GRIN2A: variants seen among roughly 807,000 people sequenced by gnomAD.
GRIN2A encodes the protein glutamate ionotropic receptor NMDA type subunit 2A.
A neutral mutation model predicts 113.4 loss-of-function variants in GRIN2A; 22 were observed. The ratio of observed to expected loss-of-function variants is 0.19; its 90% CI spans 0.14 to 0.28. The LOEUF is 0.28. GRIN2A is among the 10% of genes least tolerant of loss of function. The pLI, the probability that GRIN2A is intolerant of heterozygous loss-of-function variation, is 1.00. For missense variants in GRIN2A, 1,502 were observed against 1,887.0 expected, an observed-to-expected ratio of 0.80 and a Z score of 3.78; for synonymous variants, 827 against 738.4, an observed-to-expected ratio of 1.12 and a Z score of -1.94.
chr16:9,854,671 T>G (rs914334138), intron 4 of GRIN2A, among the ~76,000 whole-genome samples: 8 of 152,060 alleles, frequency 5.3e-5, no homozygotes, highest in African/African-American at 1.9e-4. Context: ...TTCCCAATCC[T>G]CTCCATAAAA....
At chr16:9,926,432 T>A (rs538365959) in intron 3 of GRIN2A, among the ~76,000 whole-genome samples, 1 of 152,322 alleles carries the variant, frequency 6.6e-6, no homozygotes, top group East Asian at 1.9e-4. Context: ...ACCTGCAGCT[T>A]TAAGTAAGAA....
At chr16:10,152,606 A>T (rs563020337) in intron 2 of GRIN2A, among the ~76,000 whole-genome samples, 1 of 152,248 alleles carries the variant, frequency 6.6e-6, no homozygotes, top group East Asian at 1.9e-4. Context: ...TTTCATGTTC[A>T]GTTCACCATT....
chr16:10,107,216 T>A (rs549199752), intron 2 of GRIN2A, among the ~76,000 whole-genome samples: 2 of 152,158 alleles, frequency 1.3e-5, no homozygotes, highest in African/African-American at 4.8e-5. Context: ...GCGGAAGATC[T>A]CAGCACTAGT....
chr16:9,767,254 GA>G (rs1900973635), intron 12 of GRIN2A, among the ~76,000 whole-genome samples: 1 of 152,180 alleles, frequency 6.6e-6, no homozygotes, highest in Non-Finnish European at 1.5e-5. Context: ...AGTGAATGGA[GA>G]AAATAAATCT....
Position 10,159,375 on chromosome 16 carries a change from G to C in GRIN2A, c.414+20623C>G, listed in dbSNP as rs117669636. Reference sequence around the variant, plus strand: ...AGGAGAGAAGCCCACCAAGCACCTAGGGGAACAGGTCAGGAACCCAGGGCA... The same window carrying C: ...AGGAGAGAAGCCCACCAAGCACCTACGGGAACAGGTCAGGAACCCAGGGCA... On this transcript the variant is annotated intron_variant, in intron 2 of 12. Coordinates refer to ENST00000330684, the MANE Select transcript of GRIN2A (RefSeq NM_001134407.3). 3.4e-3 allele frequency among the ~76,000 whole-genome samples: 513 copies of C among 152,316 alleles called. 12 individuals carry two copies. In the East Asian group the frequency reaches 0.065, roughly 19 times the overall value.
intron 2 of GRIN2A, among the ~76,000 whole-genome samples, chr16:9,968,853 CG>C (rs758806752): frequency 9.2e-5 from 14 of 152,112 alleles, no homozygotes; most frequent in Non-Finnish European, 1.9e-4. Flanking sequence ...GTGATCCGCC[CG>C]CCTCAGCCTT....
At chr16:9,892,818 C>G (rs927460883) in intron 3 of GRIN2A, among the ~76,000 whole-genome samples, 7 of 151,762 alleles carry the variant, frequency 4.6e-5, no homozygotes, top group Non-Finnish European at 8.8e-5. Flanking sequence ...GTGGTGGCCA[C>G]TCAGCAGACA....
At chr16:9,884,754 T>C (rs529027098) in intron 4 of GRIN2A, among the ~76,000 whole-genome samples, 1,945 of 147,364 alleles carry the variant, frequency 0.013, 61 homozygotes, top group African/African-American at 0.047. Flanking sequence ...GAATTTCTTT[T>C]TTTTTTTTTT....
Position 9,890,976 on chromosome 16 carries a change from G to T in GRIN2A, c.1122+10C>A. Reference sequence around the variant, plus strand: ...CCTCCCCTGCATTCAGCACACAGAAGGATGCTCACCTTTTCCCATTCCCGG... The same window carrying T: ...CCTCCCCTGCATTCAGCACACAGAATGATGCTCACCTTTTCCCATTCCCGG... On this transcript the variant is annotated intron_variant, in intron 4 of 12. Coordinates refer to ENST00000330684, the MANE Select transcript of GRIN2A (RefSeq NM_001134407.3). 3 of 1,538,434 alleles carry T rather than the reference G, an allele frequency of 2.0e-6. No individual in the cohort carries two copies. Among genetic ancestry groups the T allele is most frequent in the African/African-American group, 1.4e-5 (1 of 73,526 alleles).
chr16:10,033,893 C>G (rs1596446523), intron 2 of GRIN2A: 1 of 152,498 alleles, frequency 6.6e-6, no homozygotes, highest in African/African-American at 2.4e-5. Flanking sequence ...GCCCAGCAGC[C>G]AACCATAGGA....
intron 3 of GRIN2A, among the ~76,000 whole-genome samples, chr16:9,931,380 C>T (rs1340798943): frequency 6.6e-6 from 1 of 152,020 alleles, no homozygotes; most frequent in African/African-American, 2.4e-5. Context: ...TTGTAAAATG[C>T]CTTCTCCATG....
intron 3 of GRIN2A, among the ~76,000 whole-genome samples, chr16:9,922,469 C>G (rs2141585198): frequency 6.6e-6 from 1 of 152,282 alleles, no homozygotes; most frequent in South Asian, 2.1e-4. Flanking sequence ...GGGAATGTGG[C>G]TTGCCTGAGA....
chr16:10,015,192 G>A (rs763543077), intron 2 of GRIN2A, among the ~76,000 whole-genome samples: 44 of 130,326 alleles, frequency 3.4e-4, no homozygotes, highest in African/African-American at 1.1e-3. Context: ...GGCGGAGGTC[G>A]CAGTGAGCTG....
At chr16:9,854,328 G>A (rs2042933204) in intron 4 of GRIN2A, among the ~76,000 whole-genome samples, 1 of 150,992 alleles carries the variant, frequency 6.6e-6, no homozygotes, top group South Asian at 2.1e-4. Context: ...CGTCTGAATA[G>A]CCTTTGGGTA....
intron 2 of GRIN2A, among the ~76,000 whole-genome samples, chr16:10,067,639 TGA>T (rs1404262113): frequency 6.6e-6 from 1 of 151,888 alleles, no homozygotes; most frequent in Non-Finnish European, 1.5e-5. Flanking sequence ...AAACAGCAGC[TGA>T]GAGGAGTGGG....
intron 4 of GRIN2A, among the ~76,000 whole-genome samples, chr16:9,859,988 G>A (rs2043037429): frequency 6.6e-6 from 1 of 151,660 alleles, no homozygotes. Flanking sequence ...TCCTCAGAGA[G>A]GTCTATCCTA....
chr16:9,844,021 C>T (rs918406976), intron 5 of GRIN2A, among the ~76,000 whole-genome samples: 3 of 152,140 alleles, frequency 2.0e-5, no homozygotes, highest in African/African-American at 7.2e-5. Context: ...TGGCCATGCA[C>T]TGATGCCCTT....
intron 2 of GRIN2A, among the ~76,000 whole-genome samples, chr16:9,948,122 T>A (rs1238765418): frequency 6.6e-6 from 1 of 152,238 alleles, no homozygotes; most frequent in Admixed American, 6.5e-5. Context: ...CATCCCAATG[T>A]TAAACCTGAA....
intron 11 of GRIN2A, among the ~76,000 whole-genome samples, chr16:9,796,759 A>T (rs1903014571): frequency 6.6e-6 from 1 of 152,196 alleles, no homozygotes; most frequent in Non-Finnish European, 1.5e-5. Context: ...AAGCAGAGGC[A>T]CTATCCCCAC....
Sources: gnomAD v4.1 joint callset for allele counts (sites outside exome capture counted in the v4.1 genomes callset) on GRCh38, gnomAD v4.1.1 for gene constraint, MANE v1.5 for transcripts, NCBI Gene and HGNC (gene_info 2026-07-23, HGNC 2026-07-21) for gene names.